Variants in ARHGAP24 observed in about 807,000 individuals in gnomAD.
ARHGAP24 encodes the protein Rho GTPase activating protein 24, also known as rho GTPase-activating protein 24.
In ARHGAP24, 50 loss-of-function variants were observed where a neutral mutation model predicts 76.4. That is an observed-to-expected ratio of 0.65 (90% CI 0.52 to 0.83). ARHGAP24 has a LOEUF of 0.83. Ranked by LOEUF, ARHGAP24 falls within the 40% of genes least tolerant of loss-of-function variation. The pLI is 0.00. For missense variants in ARHGAP24, 930 were observed against 914.2 expected (o/e 1.02, Z -0.22); for synonymous variants, 345 against 323.3 (o/e 1.07, Z -0.72).
At chr4:85,515,104 C>T (rs1724444079) in intron 1 of ARHGAP24, among the ~76,000 whole-genome samples, 1 of 152,070 alleles carries the variant, frequency 6.6e-6, no homozygotes, top group Admixed American at 6.5e-5. Context: ...GGTGAATAAT[C>T]CTTAGAATAG....
intron 2 of ARHGAP24, among the ~76,000 whole-genome samples, chr4:85,634,419 T>G (rs1446360072): frequency 1.3e-5 from 2 of 151,860 alleles, no homozygotes; most frequent in East Asian, 3.9e-4. Context: ...ACTTACACAT[T>G]TTCAAATATG....
intron 3 of ARHGAP24, among the ~76,000 whole-genome samples, chr4:85,886,790 T>C (rs558190708): frequency 1.4e-4 from 22 of 152,208 alleles, no homozygotes; most frequent in African/African-American, 4.6e-4. Flanking sequence ...ACCCCTATAC[T>C]CCACACTGAT....
At chr4:85,890,499 A>C (rs984835200) in intron 3 of ARHGAP24, among the ~76,000 whole-genome samples, 31 of 152,232 alleles carry the variant, frequency 2.0e-4, no homozygotes, top group Non-Finnish European at 3.7e-4. Flanking sequence ...ATAACCACAG[A>C]GGGAAAAATC....
At chr4:85,595,525 A>G (rs1719777518) in intron 2 of ARHGAP24, among the ~76,000 whole-genome samples, 1 of 152,094 alleles carries the variant, frequency 6.6e-6, no homozygotes, top group African/African-American at 2.4e-5. Flanking sequence ...TAAATGCAAA[A>G]TATCTCTACC....
intron 3 of ARHGAP24, among the ~76,000 whole-genome samples, chr4:85,744,621 C>T (rs187684301): frequency 1.8e-4 from 28 of 152,250 alleles, no homozygotes; most frequent in African/African-American, 6.5e-4. Flanking sequence ...ACTGAGGTCT[C>T]TCCTAAACCC....
intron 3 of ARHGAP24, among the ~76,000 whole-genome samples, chr4:85,880,831 C>CTT (rs1733211758): frequency 6.6e-6 from 1 of 152,154 alleles, no homozygotes; most frequent in African/African-American, 2.4e-5. Flanking sequence ...TTAATGTGGC[C>CTT]TTAACCTTTG....
chr4:85,709,563 T>G (rs558150994), intron 2 of ARHGAP24, among the ~76,000 whole-genome samples: 2 of 152,146 alleles, frequency 1.3e-5, no homozygotes, highest in Admixed American at 6.6e-5. Flanking sequence ...ATTTTACTAC[T>G]AGGACTAAGT....
intron 5 of ARHGAP24, among the ~76,000 whole-genome samples, chr4:85,952,713 G>A (rs972636254): frequency 5.9e-5 from 9 of 151,982 alleles, no homozygotes; most frequent in Non-Finnish European, 1.2e-4. Context: ...TTGTTCCTAC[G>A]GTTATGACAT....
chr4:85,533,658 A>G (rs958943794), intron 1 of ARHGAP24, among the ~76,000 whole-genome samples: 2 of 152,190 alleles, frequency 1.3e-5, no homozygotes, highest in African/African-American at 4.8e-5. Context: ...TCTTTATATA[A>G]TCTGAAATAT....
chr4:85,838,279 T>C (rs989617571), intron 3 of ARHGAP24, among the ~76,000 whole-genome samples: 2 of 152,148 alleles, frequency 1.3e-5, no homozygotes, highest in Admixed American at 1.3e-4. Context: ...AAGAGAGACA[T>C]GTAATCATTC....
At chr4:85,777,154 G>A (rs1032976667) in intron 3 of ARHGAP24, among the ~76,000 whole-genome samples, 1 of 152,116 alleles carries the variant, frequency 6.6e-6, no homozygotes, top group African/African-American at 2.4e-5. Context: ...TTAGAAAAGT[G>A]CTATCATACC....
At chr4:85,722,927 A>G (rs924342802) in intron 3 of ARHGAP24, among the ~76,000 whole-genome samples, 1 of 152,170 alleles carries the variant, frequency 6.6e-6, no homozygotes, top group African/African-American at 2.4e-5. Context: ...TTTCCCCTCG[A>G]TGAAAACAGC....
At chr4:85,628,171 C>T (rs769885636) in intron 2 of ARHGAP24, among the ~76,000 whole-genome samples, 15 of 152,196 alleles carry the variant, frequency 9.9e-5, no homozygotes, top group Non-Finnish European at 1.8e-4. Flanking sequence ...GCGTCGCTCA[C>T]ACTGGGAGCT....
At chr4:85,633,264 T>C (rs1721216446) in intron 2 of ARHGAP24, among the ~76,000 whole-genome samples, 2 of 151,910 alleles carry the variant, frequency 1.3e-5, no homozygotes, top group Non-Finnish European at 2.9e-5. Flanking sequence ...GTCAGTCTGA[T>C]TGTAAATTAC....
At chr4:85,660,386 G>A (rs1244058426) in intron 2 of ARHGAP24, among the ~76,000 whole-genome samples, 3 of 152,050 alleles carry the variant, frequency 2.0e-5, no homozygotes, top group Non-Finnish European at 4.4e-5. Context: ...CTCCATGTAA[G>A]TATAACAAAA....
At chr4:85,479,708 C>T (rs1270814846) in intron 1 of ARHGAP24, among the ~76,000 whole-genome samples, 2 of 152,052 alleles carry the variant, frequency 1.3e-5, no homozygotes, top group Admixed American at 6.5e-5. Context: ...TGAGGCAAAT[C>T]CAAAGTTTCT....
intron 2 of ARHGAP24, among the ~76,000 whole-genome samples, chr4:85,700,205 G>A (rs895047549): frequency 6.6e-6 from 1 of 151,948 alleles, no homozygotes; most frequent in African/African-American, 2.4e-5. Context: ...GATCAGCCTG[G>A]CCAACATGGT....
At chr4:85,519,024 A>G (rs1385454635) in intron 1 of ARHGAP24, among the ~76,000 whole-genome samples, 1 of 152,140 alleles carries the variant, frequency 6.6e-6, no homozygotes, top group Non-Finnish European at 1.5e-5. Context: ...CCACCCCAAC[A>G]TACAAATGGC....
At chr4:85,987,749 CATAAGAG>C (rs1286008744) in intron 8 of ARHGAP24, among the ~76,000 whole-genome samples, 1 of 151,794 alleles carries the variant, frequency 6.6e-6, no homozygotes, top group Non-Finnish European at 1.5e-5. Context: ...ATTTTGTCTT[CATAAGAG>C]AAACTATCAT....
Sources: allele counts gnomAD v4.1 joint callset (sites outside exome capture counted in the v4.1 genomes callset), GRCh38; gene constraint gnomAD v4.1.1; transcripts MANE v1.5; gene names NCBI Gene and HGNC (gene_info 2026-07-23, HGNC 2026-07-21).